The following PEX14 variants were observed in gnomAD, a reference collection of about 807,000 sequenced individuals.
PEX14 encodes the protein peroxisomal membrane protein PEX14.
PEX14 carries 15 observed loss-of-function variants against 49.5 expected under a neutral mutation model. The ratio of observed to expected loss-of-function variants is 0.30; its 90% confidence interval spans 0.20 to 0.47. PEX14 has a LOEUF of 0.47. PEX14 is among the 20% of genes least tolerant of loss of function. PEX14 has a pLI of 1.00. For synonymous variants in PEX14, 210 were observed against 212.7 expected (o/e 0.99, Z 0.11); for missense variants, 398 against 494.8 (o/e 0.80, Z 1.86).
chr1:10,589,613 A>C (rs1021930260), intron 3 of PEX14, among the ~76,000 whole-genome samples: 2 of 151,856 alleles, frequency 1.3e-5, no homozygotes, highest in South Asian at 2.1e-4. Context: ...GGGTCTCACT[A>C]TGTTGCCCAG....
chr1:10,508,535 T>C (rs1367143035), intron 2 of PEX14, among the ~76,000 whole-genome samples: 1 of 152,116 alleles, frequency 6.6e-6, no homozygotes, highest in Non-Finnish European at 1.5e-5. Context: ...GACTGACATA[T>C]GGGCAACTTG....
chr1:10,551,067 A>C (rs1639320522), intron 3 of PEX14, among the ~76,000 whole-genome samples: 1 of 152,126 alleles, frequency 6.6e-6, no homozygotes. Context: ...TTATCAGGAC[A>C]ATAAAGGGTA....
chr1:10,575,677 TAGTTTCTTGAGATG>T, intron 3 of PEX14, among the ~76,000 whole-genome samples: 1 of 152,362 alleles, frequency 6.6e-6, no homozygotes, highest in East Asian at 1.9e-4. Context: ...AACGTTCTTC[TAGTTTCTTGAGATG>T]AGCACTTAAT....
At position 10,519,615 on chromosome 1, in the gene PEX14, T is replaced by C. The variant is rs563944622; in HGVS notation, c.85-16598T>C. Among the ~76,000 whole-genome samples the C allele has an allele frequency of 6.6e-5, 10 of 152,352 alleles. No individual in the cohort carries two copies. The South Asian group carries it at 1.9e-3, about 28-fold the overall frequency. ...TAAGACTGTGCTGGACTTGCAAAATTGGAAGTGTGCAGCCTGTTGTGTTTC... is the reference window on the plus strand; with the variant it reads ...TAAGACTGTGCTGGACTTGCAAAATCGGAAGTGTGCAGCCTGTTGTGTTTC... On this transcript the variant is annotated intron_variant, in intron 2 of 8. Transcript: ENST00000356607.
intron 2 of PEX14, among the ~76,000 whole-genome samples, chr1:10,500,607 C>T (rs563908930): frequency 6.6e-6 from 1 of 152,114 alleles, no homozygotes; most frequent in East Asian, 1.9e-4. Flanking sequence ...CGGTGTCTCG[C>T]TGTGTCACCC....
rs558844213 is a variant in PEX14 at position 10,578,052 on chromosome 1, G to T, written c.170-21186G>T. ...CTCAAGCAGAAAGCTGTGTCATATT[G>T]GTTTGAGGAATCAGGGGATATTTTG... On this transcript the variant is annotated intron_variant, in intron 3 of 8. Coordinates refer to ENST00000356607, the MANE Select transcript of PEX14 (RefSeq NM_004565.3). 7.2e-5 allele frequency among the ~76,000 whole-genome samples: 11 copies of T among 152,074 alleles called. No individual in the cohort carries two copies. The South Asian group carries it at 2.3e-3, about 32-fold the overall frequency.
Position 10,597,564 on chromosome 1 carries a change from A to G in PEX14, c.170-1674A>G, listed in dbSNP as rs1640863981. On this transcript the variant is annotated intron_variant, in intron 3 of 8. Coordinates refer to ENST00000356607, the MANE Select transcript of PEX14 (RefSeq NM_004565.3). This position sits in a 1 kb window ranked among gnomAD's most constrained non-coding sequence, Gnocchi z 5.7. Reference sequence around the variant, plus strand: ...AGCACCCCCTCTCTAGCTCCACTCTACTGACCTTCAGCTTTTGTCTTTGGA... The same window carrying G: ...AGCACCCCCTCTCTAGCTCCACTCTGCTGACCTTCAGCTTTTGTCTTTGGA... Among the ~76,000 whole-genome samples, 1 of 152,118 alleles carries G rather than the reference A, an allele frequency of 6.6e-6. No homozygotes were observed. Among genetic ancestry groups the G allele is most frequent in the South Asian group, 2.1e-4 (1 of 4,820 alleles).
chr1:10,487,734 C>T (rs548970698), intron 1 of PEX14, among the ~76,000 whole-genome samples: 16 of 151,872 alleles, frequency 1.1e-4, no homozygotes, highest in Non-Finnish European at 2.1e-4. Context: ...CTGCCCACCT[C>T]GGCCTCCCAA....
intron 3 of PEX14, among the ~76,000 whole-genome samples, chr1:10,562,248 C>A (rs79498424): frequency 1.3e-5 from 2 of 152,082 alleles, no homozygotes; most frequent in Non-Finnish European, 2.9e-5. Flanking sequence ...CTCCACCCAC[C>A]CCCAACACAT....
In PEX14 at chr1:10,490,191, T is replaced by C. The variant is rs576725121; in HGVS notation, c.37-5083T>C. On this transcript the variant is annotated intron_variant, in intron 1 of 8. Transcript: ENST00000356607. ...TTAATGCCAAAGCTTGTGTACTTTCTGTCATGCCACTGCATCTCAAAGGAT... is the reference window on the plus strand; with the variant it reads ...TTAATGCCAAAGCTTGTGTACTTTCCGTCATGCCACTGCATCTCAAAGGAT... Among the ~76,000 whole-genome samples, 5 of 152,342 alleles carry C rather than the reference T, an allele frequency of 3.3e-5. No individual in the cohort carries two copies. The South Asian group carries it at 1.0e-3, about 32-fold the overall frequency.
Position 10,572,828 on chromosome 1 carries a change from G to C in PEX14, c.170-26410G>C, listed in dbSNP as rs34697250. On this transcript the variant is annotated intron_variant, in intron 3 of 8. Coordinates refer to ENST00000356607, the MANE Select transcript of PEX14 (RefSeq NM_004565.3). ...TGGGATTACAGGCGTGAGCTACCGC[G>C]CCTGGCCAGAGATATGTTCTAAGAA... Among the ~76,000 whole-genome samples the C allele has an allele frequency of 2.6e-5, 4 of 152,040 alleles. No homozygotes were observed. The East Asian group carries it at 5.8e-4, about 22-fold the overall frequency.
At position 10,485,299 on chromosome 1, in the gene PEX14, G is replaced by GTT. The variant is rs941970919; in HGVS notation, c.37-9952_37-9951dup. Among the ~76,000 whole-genome samples the GTT allele has an allele frequency of 2.1e-3, 209 of 100,670 alleles. 5 individuals carry two copies. Among genetic ancestry groups the GTT allele is most frequent in the African/African-American group, 7.4e-3 (169 of 22,908 alleles). 66.0% of individuals were successfully genotyped at this position (100,670 alleles called of 152,430 possible). On this transcript the variant is annotated intron_variant, in intron 1 of 8. Coordinates refer to ENST00000356607, the MANE Select transcript of PEX14 (RefSeq NM_004565.3). Reference sequence around the variant, plus strand: ...GTGTAGTGTTATTTATTTGTGTGTGGTTTTTTTTTTTTTTTTTTTTTTTTA... The same window carrying GTT: ...GTGTAGTGTTATTTATTTGTGTGTGGTTTTTTTTTTTTTTTTTTTTTTTTTTA...
intron 3 of PEX14, among the ~76,000 whole-genome samples, chr1:10,544,094 A>G (rs1305521941): frequency 3.3e-5 from 5 of 152,234 alleles, no homozygotes; most frequent in Admixed American, 1.3e-4. Flanking sequence ...AGACAGTTCT[A>G]CAGTTTACAA....
At chr1:10,498,389 G>A (rs986889917) in intron 2 of PEX14, among the ~76,000 whole-genome samples, 2 of 152,222 alleles carry the variant, frequency 1.3e-5, no homozygotes, top group Admixed American at 6.5e-5. Context: ...AGGTGACATT[G>A]TGATGTAGTC....
At position 10,618,561 on chromosome 1, in the gene PEX14, G is replaced by A. The variant is rs981030580; in HGVS notation, c.384+144G>A. 15 of 727,926 alleles carry A rather than the reference G, an allele frequency of 2.1e-5. No homozygotes were observed. In the African/African-American group the frequency reaches 2.6e-4, roughly 13 times the overall value. 45.1% of individuals were successfully genotyped at this position (727,926 alleles called of 1,614,324 possible). A position where few individuals can be genotyped will look rare whatever the true frequency, so the allele number is the denominator to read the frequency against. ...AGTGAGAGGCTGTGGTAGAGGTCGG[G>A]GTTCACAGCTGGATCCAGGCAGACC... On this transcript the variant is annotated intron_variant, in intron 5 of 8. Coordinates refer to ENST00000356607, the MANE Select transcript of PEX14 (RefSeq NM_004565.3).
chr1:10,539,665 G>T lies in PEX14; in HGVS notation c.169+3368G>T, dbSNP rs956595386. ...GGGCTTTAAGCAGGCTGCAATCCAGGAGGTTAGAGTAACGTAAAAACAGCA... is the reference window on the plus strand; with the variant it reads ...GGGCTTTAAGCAGGCTGCAATCCAGTAGGTTAGAGTAACGTAAAAACAGCA... On this transcript the variant is annotated intron_variant, in intron 3 of 8. Coordinates refer to ENST00000356607, the MANE Select transcript of PEX14 (RefSeq NM_004565.3). This position sits in a 1 kb window ranked among gnomAD's most constrained non-coding sequence, Gnocchi z 4.6. Among the ~76,000 whole-genome samples the T allele has an allele frequency of 3.9e-5, 6 of 152,168 alleles. No individual in the cohort carries two copies. The highest frequency in any genetic ancestry group is 7.3e-5 in the Non-Finnish European group (5 of 68,030).
Position 10,546,563 on chromosome 1 carries a change from CA to C in PEX14, c.169+10287del, listed in dbSNP as rs35214823. On this transcript the variant is annotated intron_variant, in intron 3 of 8. Coordinates refer to ENST00000356607, the MANE Select transcript of PEX14 (RefSeq NM_004565.3). Reference sequence around the variant, plus strand: ...TGGGTGACAGAGCGAGACTCTGTTTCAAAAAAAAAAAAAAAAAAAAAGGCTA... The same window carrying C: ...TGGGTGACAGAGCGAGACTCTGTTTCAAAAAAAAAAAAAAAAAAAAGGCTA... Among the ~76,000 whole-genome samples, 399 of 47,772 alleles carry C rather than the reference CA, an allele frequency of 8.4e-3. 1 individual carries two copies. The highest frequency in any genetic ancestry group is 0.026 in the African/African-American group (289 of 10,940). The allele number at this position is 47,772 out of a possible 152,430, so 31.3% of individuals were successfully genotyped here.
intron 2 of PEX14, among the ~76,000 whole-genome samples, chr1:10,518,245 G>A (rs1642005379): frequency 6.6e-6 from 1 of 152,094 alleles, no homozygotes; most frequent in South Asian, 2.1e-4. Context: ...AATTTGATAT[G>A]TAGATGGGAT....
At chr1:10,537,576 A>G (rs185204738) in intron 3 of PEX14, among the ~76,000 whole-genome samples, 146 of 152,242 alleles carry the variant, frequency 9.6e-4, no homozygotes, top group African/African-American at 3.4e-3. Flanking sequence ...GACAAAATCT[A>G]TGGTTGCCGA....
Sources: allele counts gnomAD v4.1 joint callset (sites outside exome capture counted in the v4.1 genomes callset), GRCh38; gene constraint gnomAD v4.1.1; non-coding constraint Gnocchi (gnomAD v3.1); transcripts MANE v1.5; gene names NCBI Gene and HGNC (gene_info 2026-07-23, HGNC 2026-07-21).